Variants in KCNJ16 observed in about 807,000 individuals in gnomAD.
KCNJ16 encodes the protein inward rectifier potassium channel 16.
A neutral mutation model predicts 18.5 loss-of-function variants in KCNJ16; 15 were observed. The observed-to-expected ratio is 0.81, with a 90% CI of 0.54 to 1.25. The LOEUF is 1.25. Among genes scored for constraint, KCNJ16 ranks in the 50% most tolerant of loss-of-function variants. The pLI is 0.00. For synonymous variants in KCNJ16, 174 were observed against 186.5 expected (o/e 0.93, Z 0.55); for missense variants, 523 against 525.7 (o/e 0.99, Z 0.05).
chr17:70,115,271 C>G (rs1466660419), intron 2 of KCNJ16, among the ~76,000 whole-genome samples: 1 of 152,100 alleles, frequency 6.6e-6, no homozygotes, highest in Non-Finnish European at 1.5e-5. Flanking sequence ...AAAAACACCA[C>G]TATACTATAC....
In KCNJ16 at chr17:70,083,229, T is replaced by A. The variant is rs557545550; in HGVS notation, c.-300+7839T>A. Among the ~76,000 whole-genome samples, 14 of 148,646 alleles carry A rather than the reference T, an allele frequency of 9.4e-5. No individual in the cohort carries two copies. The South Asian group carries it at 2.7e-3, about 29-fold the overall frequency. Reference sequence around the variant, plus strand: ...TATATATATAATATGTAAAGAGATATATATTATAATATATGTAGCAGGTGA... The same window carrying A: ...TATATATATAATATGTAAAGAGATAAATATTATAATATATGTAGCAGGTGA... On this transcript the variant is annotated intron_variant, in intron 1 of 3. Coordinates refer to ENST00000392671, the MANE Select transcript of KCNJ16 (RefSeq NM_170741.4).
chr17:70,113,966 G>T (rs915910107), intron 2 of KCNJ16, among the ~76,000 whole-genome samples: 2 of 152,078 alleles, frequency 1.3e-5, no homozygotes, highest in African/African-American at 4.8e-5. Flanking sequence ...CACACTAATA[G>T]AAAGTTAATC....
At chr17:70,088,035 A>AT (rs2071906799) in intron 1 of KCNJ16, among the ~76,000 whole-genome samples, 3 of 150,632 alleles carry the variant, frequency 2.0e-5, no homozygotes, top group African/African-American at 7.3e-5. Flanking sequence ...AAAAAAAAAA[A>AT]AAAAAAGTAA....
chr17:70,107,066 G>C (rs2072965823), intron 2 of KCNJ16, among the ~76,000 whole-genome samples: 1 of 152,062 alleles, frequency 6.6e-6, no homozygotes, highest in Admixed American at 6.6e-5. Flanking sequence ...TTAGGCTTCA[G>C]GCAAAAACTA....
At position 70,132,733 on chromosome 17, in the gene KCNJ16, G is replaced by A; in HGVS notation, c.646G>A (p.Val216Ile). The change falls in exon 4 of 4, where the codon GTT becomes ATT. Residue 216 changes from valine to isoleucine, a missense_variant. By Grantham distance (29) the Val-to-Ile change is conservative. Transcript: ENST00000392671. ...FRPNHVVEGT[V>I]RAQLLRYTED... Reference sequence around the variant, plus strand: ...GCCAAACCACGTGGTAGAAGGAACAGTTAGAGCCCAACTTCTCCGCTATAC... The same window carrying A: ...GCCAAACCACGTGGTAGAAGGAACAATTAGAGCCCAACTTCTCCGCTATAC... 1 of 1,614,090 alleles carries A rather than the reference G, an allele frequency of 6.2e-7. No homozygotes were observed. The highest frequency in any genetic ancestry group is 8.5e-7 in the Non-Finnish European group (1 of 1,180,030).
chr17:70,117,655 T>A (rs1017377179), intron 2 of KCNJ16, among the ~76,000 whole-genome samples: 1 of 152,194 alleles, frequency 6.6e-6, no homozygotes, highest in Non-Finnish European at 1.5e-5. Context: ...AACTCTCTTA[T>A]GAGTGATGAA....
chr17:70,093,809 ATTTAAATCTTTCATTC>A (rs1197066621), intron 1 of KCNJ16, among the ~76,000 whole-genome samples: 1 of 152,046 alleles, frequency 6.6e-6, no homozygotes, highest in Admixed American at 6.5e-5. Flanking sequence ...TCTACTTATT[ATTTAAATCTTTCATTC>A]TTTTCAAGAG....
intron 1 of KCNJ16, chr17:70,096,531 G>A (rs2072381981): frequency 6.3e-6 from 1 of 159,640 alleles, no homozygotes; most frequent in Non-Finnish European, 1.4e-5. Context: ...GAGAATTAAA[G>A]GATAATTTCT....
chr17:70,078,840 G>A (rs973827714), intron 1 of KCNJ16, among the ~76,000 whole-genome samples: 1 of 152,144 alleles, frequency 6.6e-6, no homozygotes, highest in Admixed American at 6.5e-5. Flanking sequence ...AGGCAAGAGG[G>A]ATGATAGCCA....
At chr17:70,080,715 A>T (rs2071515925) in intron 1 of KCNJ16, among the ~76,000 whole-genome samples, 2 of 152,134 alleles carry the variant, frequency 1.3e-5, no homozygotes, top group African/African-American at 4.8e-5. Context: ...TAACCCACAA[A>T]CTTGGCCAGT....
intron 1 of KCNJ16, among the ~76,000 whole-genome samples, chr17:70,079,406 G>T (rs1450317174): frequency 2.0e-5 from 3 of 152,136 alleles, no homozygotes; most frequent in Non-Finnish European, 4.4e-5. Context: ...CATCTAATAT[G>T]TATCTTCCTA....
intron 2 of KCNJ16, among the ~76,000 whole-genome samples, chr17:70,106,489 G>A (rs978543216): frequency 6.6e-6 from 1 of 152,150 alleles, no homozygotes; most frequent in African/African-American, 2.4e-5. Context: ...GAGAGTGATA[G>A]GGGGTTAATA....
Position 70,089,074 on chromosome 17 carries a change from C to T in KCNJ16, c.-299-11584C>T, listed in dbSNP as rs139448365. ...GCTTTTCTCATTTTGTAACCGGCTA[C>T]TTTGGTCCTACGTTGCTGTATGTAA... is the stretch of plus-strand genomic sequence containing the variant. On this transcript the variant is annotated intron_variant, in intron 1 of 3. Coordinates refer to ENST00000392671, the MANE Select transcript of KCNJ16 (RefSeq NM_170741.4). 1.1e-4 allele frequency among the ~76,000 whole-genome samples: 17 copies of T among 152,282 alleles called. No individual in the cohort carries two copies. In the East Asian group the frequency reaches 3.1e-3, roughly 28 times the overall value.
At chr17:70,129,148 G>A (rs1247940895) in intron 2 of KCNJ16, among the ~76,000 whole-genome samples, 1 of 152,160 alleles carries the variant, frequency 6.6e-6, no homozygotes, top group East Asian at 1.9e-4. Flanking sequence ...TCTTTCAATA[G>A]CCACCATCAG....
chr17:70,112,046 C>A (rs1275497929), intron 2 of KCNJ16, among the ~76,000 whole-genome samples: 2 of 152,120 alleles, frequency 1.3e-5, no homozygotes, highest in Non-Finnish European at 2.9e-5. Context: ...TCAGAGTGGT[C>A]CTGCTCAGGA....
intron 2 of KCNJ16, among the ~76,000 whole-genome samples, chr17:70,113,089 A>G (rs770098279): frequency 6.6e-6 from 1 of 152,206 alleles, no homozygotes; most frequent in Non-Finnish European, 1.5e-5. Context: ...ATTCTTTTCA[A>G]AGCAAATAAT....
At chr17:70,121,581 T>C (rs577492235) in intron 2 of KCNJ16, among the ~76,000 whole-genome samples, 2 of 152,288 alleles carry the variant, frequency 1.3e-5, no homozygotes, top group African/African-American at 4.8e-5. Flanking sequence ...ATTATTCTAA[T>C]TGCAATGGAA....
chr17:70,080,800 T>G (rs774179867), intron 1 of KCNJ16, among the ~76,000 whole-genome samples: 3 of 152,184 alleles, frequency 2.0e-5, no homozygotes, highest in Non-Finnish European at 4.4e-5. Flanking sequence ...ACATTCTGTC[T>G]CTACTTCGGG....
intron 1 of KCNJ16, among the ~76,000 whole-genome samples, chr17:70,084,829 A>C (rs562573121): frequency 1.3e-5 from 2 of 152,040 alleles, no homozygotes; most frequent in East Asian, 3.9e-4. Flanking sequence ...TTGATCACTA[A>C]TAATAATAAT....
Sources: allele counts gnomAD v4.1 joint callset (sites outside exome capture counted in the v4.1 genomes callset), GRCh38; gene constraint gnomAD v4.1.1; transcripts MANE v1.5; gene names NCBI Gene and HGNC (gene_info 2026-07-23, HGNC 2026-07-21).